The following ST7L variants were observed in gnomAD, a reference collection of about 807,000 sequenced individuals.
ST7L encodes suppression of tumorigenicity 7 like, also known as suppressor of tumorigenicity 7 protein-like.
In ST7L, 57 loss-of-function variants were observed where a neutral mutation model predicts 72.5. The observed-to-expected ratio is 0.79, with a 90% CI of 0.64 to 0.98. The LOEUF (loss-of-function observed/expected upper bound fraction) is 0.98, where lower values mean the gene tolerates loss of function less well. ST7L is among the 50% of genes least tolerant of loss of function. ST7L has a pLI of 0.00. For synonymous variants in ST7L, 221 were observed against 240.9 expected, an observed-to-expected ratio of 0.92 and a Z score of 0.77; for missense variants, 576 against 672.2, an observed-to-expected ratio of 0.86 and a Z score of 1.58.
At chr1:112,557,477 T>C (rs1659395786) in intron 11 of ST7L, among the ~76,000 whole-genome samples, 1 of 152,242 alleles carries the variant, frequency 6.6e-6, no homozygotes, top group Non-Finnish European at 1.5e-5. Context: ...ATATGTTCTG[T>C]TTATCCATTC....
At chr1:112,564,703 G>T (rs1464419391) in intron 11 of ST7L, among the ~76,000 whole-genome samples, 1 of 151,404 alleles carries the variant, frequency 6.6e-6, no homozygotes, top group Admixed American at 6.6e-5. Flanking sequence ...TATAATCCCA[G>T]CTACTTGGGA....
intron 13 of ST7L, among the ~76,000 whole-genome samples, chr1:112,542,830 C>G (rs35023236): frequency 0.19 from 29,346 of 151,542 alleles, 3,550 homozygotes; most frequent in East Asian, 0.46. Flanking sequence ...AGAAGAGTCT[C>G]GCTCTGTTGC....
At chr1:112,617,713 T>TCA (rs1236686850) in intron 1 of ST7L, among the ~76,000 whole-genome samples, 52 of 93,446 alleles carry the variant, frequency 5.6e-4, no homozygotes, top group South Asian at 1.9e-3. Context: ...TGTCTTTCTC[T>TCA]CTCTCACACA....
chr1:112,600,116 C>T (rs1445733512), intron 4 of ST7L, among the ~76,000 whole-genome samples: 1 of 152,180 alleles, frequency 6.6e-6, no homozygotes, highest in African/African-American at 2.4e-5. Context: ...TCTCAGCTCA[C>T]TGCAACCGTT....
chr1:112,531,761 C>T (rs928696771), intron 14 of ST7L, among the ~76,000 whole-genome samples: 1 of 152,142 alleles, frequency 6.6e-6, no homozygotes, highest in African/African-American at 2.4e-5. Flanking sequence ...ATTTGAAATG[C>T]AAAGACCTGT....
intron 9 of ST7L, among the ~76,000 whole-genome samples, chr1:112,581,650 C>T (rs116282143): frequency 0.02 from 2,972 of 152,176 alleles, 99 homozygotes; most frequent in African/African-American, 0.067. Flanking sequence ...AGTGATCCTC[C>T]CACCTCAGTC....
intron 3 of ST7L, among the ~76,000 whole-genome samples, chr1:112,604,547 C>T (rs12073750): frequency 0.031 from 4,699 of 151,890 alleles, 265 homozygotes; most frequent in African/African-American, 0.11. Flanking sequence ...GGATAGACAT[C>T]CCCATTCTCA....
At chr1:112,540,898 G>A (rs192158381) in intron 14 of ST7L, 1 of 1,233,410 alleles carries the variant, frequency 8.1e-7, no homozygotes, top group Non-Finnish European at 1.1e-6. Flanking sequence ...AGATGTACAA[G>A]AAAGATGCAT....
chr1:112,571,084 C>T lies in ST7L; in HGVS notation c.1245+5902G>A, dbSNP rs184179103. Reference sequence around the variant, plus strand: ...ACTTAGGAGGCTGAGGCAGGAGAATCGCTTGAACCCGGGAGGTGAAGGTTG... The same window carrying T: ...ACTTAGGAGGCTGAGGCAGGAGAATTGCTTGAACCCGGGAGGTGAAGGTTG... On this transcript the variant is annotated intron_variant, in intron 11 of 14. Transcript: ENST00000358039. Among the ~76,000 whole-genome samples, 619 of 152,172 alleles carry T rather than the reference C, an allele frequency of 4.1e-3. 3 individuals carry two copies. The highest frequency in any genetic ancestry group is 0.014 in the African/African-American group (596 of 41,520).
At chr1:112,609,121 G>A (rs990188176) in intron 3 of ST7L, among the ~76,000 whole-genome samples, 14 of 152,112 alleles carry the variant, frequency 9.2e-5, no homozygotes, top group African/African-American at 3.4e-4. Flanking sequence ...GAGCCCAGGA[G>A]TTCGAGACCA....
intron 14 of ST7L, 64 bp downstream of exon 14, chr1:112,541,885 CAG>C: frequency 6.3e-7 from 1 of 1,582,286 alleles, no homozygotes; most frequent in African/African-American, 1.4e-5. Context: ...TTAGCACAGG[CAG>C]ATCAGAGATG....
At chr1:112,556,766 G>A (rs1334982582) in intron 11 of ST7L, among the ~76,000 whole-genome samples, 4 of 151,626 alleles carry the variant, frequency 2.6e-5, no homozygotes, top group Non-Finnish European at 5.9e-5. Context: ...TCAGGAAATC[G>A]AGATCATCCT....
intron 2 of ST7L, among the ~76,000 whole-genome samples, chr1:112,611,682 G>T (rs1275559214): frequency 6.6e-6 from 1 of 152,134 alleles, no homozygotes; most frequent in Non-Finnish European, 1.5e-5. Context: ...GTTCACGTCT[G>T]TAATTCCAGC....
intron 13 of ST7L, among the ~76,000 whole-genome samples, chr1:112,545,914 T>C (rs1656960737): frequency 6.6e-6 from 1 of 152,192 alleles, no homozygotes; most frequent in South Asian, 2.1e-4. Context: ...CAGAGGAAGA[T>C]ATATGAGGAC....
chr1:112,597,004 G>A (rs1357136050), intron 5 of ST7L, among the ~76,000 whole-genome samples: 1 of 152,168 alleles, frequency 6.6e-6, no homozygotes, highest in African/African-American at 2.4e-5. Flanking sequence ...CTGGATAATA[G>A]AGATTCAAAG....
chr1:112,596,534 T>C (rs1367689427), intron 5 of ST7L, among the ~76,000 whole-genome samples: 1 of 152,234 alleles, frequency 6.6e-6, no homozygotes, highest in Non-Finnish European at 1.5e-5. Context: ...TAAATTTCTA[T>C]AAATTGCTCA....
At chr1:112,544,092 T>A (rs1656671906) in intron 13 of ST7L, among the ~76,000 whole-genome samples, 1 of 152,178 alleles carries the variant, frequency 6.6e-6, no homozygotes, top group Non-Finnish European at 1.5e-5. Context: ...ATTAGAGTAC[T>A]TAACATGCAG....
chr1:112,523,019 T>C (rs1303249556), downstream of ST7L: 1 of 152,264 alleles, frequency 6.6e-6, no homozygotes, highest in Non-Finnish European at 1.5e-5. Flanking sequence ...AGCTGCCTTA[T>C]ATTATATGCC....
intron 7 of ST7L, among the ~76,000 whole-genome samples, chr1:112,582,705 C>T (rs888825857): frequency 6.6e-6 from 1 of 152,090 alleles, no homozygotes; most frequent in African/African-American, 2.4e-5. Context: ...TTAAAATACA[C>T]ATTTAATTAT....
Sources: gnomAD v4.1 joint callset for allele counts (sites outside exome capture counted in the v4.1 genomes callset) on GRCh38, gnomAD v4.1.1 for gene constraint, MANE v1.5 for transcripts, NCBI Gene and HGNC (gene_info 2026-07-23, HGNC 2026-07-21) for gene names.